Variants in PTPRT observed in about 807,000 individuals in gnomAD.
PTPRT encodes receptor-type tyrosine-protein phosphatase T.
PTPRT carries 56 observed loss-of-function variants against 176.8 expected under a neutral mutation model. The observed-to-expected ratio is 0.32, with a 90% CI of 0.26 to 0.40. The LOEUF (loss-of-function observed/expected upper bound fraction) is 0.40. Among genes scored for constraint, PTPRT ranks in the 10% least tolerant of loss-of-function variants. The probability of loss-of-function intolerance (pLI) is 1.00; values close to 1 mark genes in which losing one functional copy is unlikely to be tolerated. For missense variants in PTPRT, 1,540 were observed against 1,908.2 expected, an observed-to-expected ratio of 0.81 and a Z score of 3.60; for synonymous variants, 783 against 739.0, an observed-to-expected ratio of 1.06 and a Z score of -0.96.
At chr20:42,980,409 T>C (rs1307669981) in intron 1 of PTPRT, among the ~76,000 whole-genome samples, 1 of 152,220 alleles carries the variant, frequency 6.6e-6, no homozygotes, top group African/African-American at 2.4e-5. Flanking sequence ...TCGTGACCCC[T>C]TCTTGCTCTG....
Position 43,040,862 on chromosome 20 carries a change from C to T in PTPRT, c.88+148784G>A, listed in dbSNP as rs185046625. The stretch of plus-strand genomic sequence containing the variant: ...GGATACAGTGGGAATTCCCTGCTTC[C>T]TGCTTCCACTCCATTCCTCATTCAA... On this transcript the variant is annotated intron_variant, in intron 1 of 30. Coordinates refer to ENST00000373187, the MANE Select transcript of PTPRT (RefSeq NM_007050.6). Among the ~76,000 whole-genome samples, 269 of 152,312 alleles carry T rather than the reference C, an allele frequency of 1.8e-3. 2 individuals are homozygous for T. The highest frequency in any genetic ancestry group is 0.01 in the South Asian group (50 of 4,826).
chr20:42,914,244 G>C (rs1219574824), intron 1 of PTPRT, among the ~76,000 whole-genome samples: 1 of 152,090 alleles, frequency 6.6e-6, no homozygotes, highest in Non-Finnish European at 1.5e-5. Context: ...GAGGCAAAAG[G>C]GTGGTATCTT....
chr20:43,102,759 C>A (rs569240222), intron 1 of PTPRT, among the ~76,000 whole-genome samples: 1 of 152,246 alleles, frequency 6.6e-6, no homozygotes, highest in African/African-American at 2.4e-5. Context: ...TGGCAGGAGC[C>A]CCTGGTTAAC....
Position 43,010,356 on chromosome 20 carries a change from C to G in PTPRT, c.89-124424G>C, listed in dbSNP as rs149554231. 7.0e-4 allele frequency among the ~76,000 whole-genome samples: 106 copies of G among 152,262 alleles called. 1 individual carries two copies. Among genetic ancestry groups the G allele is most frequent in the African/African-American group, 2.1e-3 (86 of 41,558 alleles). On this transcript the variant is annotated intron_variant, in intron 1 of 30. Transcript: ENST00000373187. Reference sequence around the variant, plus strand: ...CAAAGAGGCTTTCCAGCAGTATCTCCTTCCTCACACTCACCTTGCTGATCC... The same window carrying G: ...CAAAGAGGCTTTCCAGCAGTATCTCGTTCCTCACACTCACCTTGCTGATCC...
intron 16 of PTPRT, among the ~76,000 whole-genome samples, chr20:42,175,850 G>A (rs1048225399): frequency 2.6e-5 from 4 of 152,214 alleles, no homozygotes; most frequent in African/African-American, 9.6e-5. Context: ...ATAGTAAAAT[G>A]TTAATAGTAG....
intron 29 of PTPRT, among the ~76,000 whole-genome samples, chr20:42,083,773 C>G (rs757184313): frequency 2.6e-5 from 4 of 152,136 alleles, no homozygotes; most frequent in African/African-American, 9.7e-5. Flanking sequence ...AAGAGAGAGG[C>G]CTTCTCAATG....
At chr20:42,091,231 C>T (rs1287376984) in intron 27 of PTPRT, among the ~76,000 whole-genome samples, 4 of 152,204 alleles carry the variant, frequency 2.6e-5, no homozygotes, top group Admixed American at 2.0e-4. Flanking sequence ...TAGTGCTCTC[C>T]ATGGCTGTTT....
chr20:42,098,679 G>A, intron 26 of PTPRT, 127 bp from the exon 27 acceptor site: 3 of 1,257,756 alleles, frequency 2.4e-6, no homozygotes, highest in Admixed American at 5.1e-5. Context: ...ACACCTGCCT[G>A]TTCTTTTATC....
chr20:42,466,309 C>T (rs1193717763), intron 8 of PTPRT, among the ~76,000 whole-genome samples: 3 of 152,094 alleles, frequency 2.0e-5, no homozygotes, highest in Non-Finnish European at 4.4e-5. Context: ...AAACATGCAA[C>T]TGTTTTGCAT....
At chr20:42,743,366 T>C (rs1483405815) in intron 6 of PTPRT, among the ~76,000 whole-genome samples, 1 of 152,164 alleles carries the variant, frequency 6.6e-6, no homozygotes, top group Non-Finnish European at 1.5e-5. Context: ...AGAAGGATCA[T>C]ATGGGTTAGG....
Position 43,157,811 on chromosome 20 carries a change from T to C in PTPRT, c.88+31835A>G, listed in dbSNP as rs531072388. 5.9e-5 allele frequency among the ~76,000 whole-genome samples: 9 copies of C among 151,884 alleles called. No homozygotes were observed. In the East Asian group the frequency reaches 1.6e-3, roughly 26 times the overall value. ...TAGAGCAAAGACTCCAAGGTGGGAG[T>C]GTGCCTGATGTGTTCAAGGAAAAGC... On this transcript the variant is annotated intron_variant, in intron 1 of 30. Transcript: ENST00000373187.
intron 1 of PTPRT, among the ~76,000 whole-genome samples, chr20:43,146,577 C>G (rs1460643576): frequency 6.6e-6 from 1 of 151,934 alleles, no homozygotes. Flanking sequence ...AAAAAATCAC[C>G]CCAAAACACA....
intron 10 of PTPRT, among the ~76,000 whole-genome samples, chr20:42,351,155 C>G (rs1472178992): frequency 1.3e-5 from 2 of 151,612 alleles, no homozygotes; most frequent in East Asian, 3.9e-4. Flanking sequence ...CCCTCATACT[C>G]AGCTGATAGG....
chr20:43,015,343 A>G (rs1470003093), intron 1 of PTPRT, among the ~76,000 whole-genome samples: 3 of 152,204 alleles, frequency 2.0e-5, no homozygotes, highest in African/African-American at 7.2e-5. Flanking sequence ...CAAACTTACA[A>G]AACAGAACAT....
At chr20:42,292,180 G>GGA (rs2057326993) in intron 12 of PTPRT, among the ~76,000 whole-genome samples, 1 of 152,078 alleles carries the variant, frequency 6.6e-6, no homozygotes, top group African/African-American at 2.4e-5. Context: ...TGGGTCCTTA[G>GGA]TCTAGCCTTC....
chr20:43,165,422 C>A (rs2146449869), intron 1 of PTPRT, among the ~76,000 whole-genome samples: 1 of 152,288 alleles, frequency 6.6e-6, no homozygotes, highest in South Asian at 2.1e-4. Context: ...CTCGGCCTCC[C>A]AAAGTGCTGG....
intron 6 of PTPRT, among the ~76,000 whole-genome samples, chr20:42,747,810 G>A (rs1600693615): frequency 6.6e-6 from 1 of 152,336 alleles, no homozygotes; most frequent in South Asian, 2.1e-4. Flanking sequence ...TGGAGACCAT[G>A]TTAAGAAGTT....
chr20:43,087,861 G>C (rs1361125562), intron 1 of PTPRT, among the ~76,000 whole-genome samples: 1 of 152,122 alleles, frequency 6.6e-6, no homozygotes, highest in Non-Finnish European at 1.5e-5. Flanking sequence ...CTCAGTGGGG[G>C]CACAACACAG....
chr20:43,015,719 A>C (rs1464811106), intron 1 of PTPRT, among the ~76,000 whole-genome samples: 2 of 152,004 alleles, frequency 1.3e-5, no homozygotes, highest in Non-Finnish European at 1.5e-5. Flanking sequence ...GCCCCTTACA[A>C]ATGACTCTGG....
Sources: allele counts gnomAD v4.1 joint callset (sites outside exome capture counted in the v4.1 genomes callset), GRCh38; gene constraint gnomAD v4.1.1; transcripts MANE v1.5; gene names NCBI Gene and HGNC (gene_info 2026-07-23, HGNC 2026-07-21).